TPO: variants seen among roughly 807,000 people sequenced by gnomAD.
TPO encodes the protein thyroid peroxidase.
TPO carries 78 observed loss-of-function variants against 96.9 expected under a neutral mutation model. The ratio of observed to expected loss-of-function variants is 0.81; its 90% CI spans 0.67 to 0.97. The LOEUF (loss-of-function observed/expected upper bound fraction) is 0.97, where lower values mean the gene tolerates loss of function less well. TPO is among the 50% of genes least tolerant of loss of function. The pLI is 0.00. For synonymous variants in TPO, 547 were observed against 538.0 expected (o/e 1.02, Z -0.23); for missense variants, 1,252 against 1,274.8 (o/e 0.98, Z 0.27).
intron 8 of TPO, chr2:1,478,404 G>T: frequency 1.0e-6 from 1 of 984,736 alleles, no homozygotes; most frequent in South Asian, 4.7e-5. Flanking sequence ...GAGCCTGCAG[G>T]GAGGTGCGCG....
intron 3 of TPO, among the ~76,000 whole-genome samples, chr2:1,432,969 G>C (rs146056488): frequency 6.6e-6 from 1 of 152,300 alleles, no homozygotes; most frequent in Non-Finnish European, 1.5e-5. Flanking sequence ...GGGCTGCATT[G>C]AGCCAATGCT....
chr2:1,511,077 ATATAAT>A (rs1674057124), intron 14 of TPO, among the ~76,000 whole-genome samples: 1 of 152,218 alleles, frequency 6.6e-6, no homozygotes, highest in Non-Finnish European at 1.5e-5. Flanking sequence ...TCAGGCGCTG[ATATAAT>A]TATAGAGGGA....
chr2:1,460,119 A>C (rs1668281163), intron 7 of TPO, among the ~76,000 whole-genome samples: 1 of 152,056 alleles, frequency 6.6e-6, no homozygotes, highest in South Asian at 2.1e-4. Flanking sequence ...TATTTTTAAT[A>C]GAGATGGGGT....
chr2:1,538,286 C>T (rs528096762), intron 15 of TPO, among the ~76,000 whole-genome samples: 79 of 152,226 alleles, frequency 5.2e-4, no homozygotes, highest in Non-Finnish European at 9.4e-4. Context: ...GGTGGTGCTC[C>T]GACCTGATAC....
chr2:1,400,271 T>G (rs1468512279), intron 1 of TPO, among the ~76,000 whole-genome samples: 1 of 152,142 alleles, frequency 6.6e-6, no homozygotes, highest in African/African-American at 2.4e-5. Flanking sequence ...AGCAGGTGGA[T>G]CACTTGAGGT....
chr2:1,486,433 G>A (rs1671171660), intron 9 of TPO, among the ~76,000 whole-genome samples: 1 of 152,060 alleles, frequency 6.6e-6, no homozygotes, highest in African/African-American at 2.4e-5. Context: ...CTACTCAGGA[G>A]GCTGTGGCAG....
At chr2:1,401,330 A>G (rs1417170474) in intron 1 of TPO, among the ~76,000 whole-genome samples, 2 of 152,220 alleles carry the variant, frequency 1.3e-5, no homozygotes, top group Non-Finnish European at 2.9e-5. Context: ...GACCTCTCAG[A>G]TGGATGGGGA....
At chr2:1,435,678 A>G (rs879527867) in intron 4 of TPO, among the ~76,000 whole-genome samples, 1 of 152,240 alleles carries the variant, frequency 6.6e-6, no homozygotes, top group African/African-American at 2.4e-5. Context: ...TCCAAAAAAA[A>G]GAAAAACAGG....
At chr2:1,401,404 G>T (rs1234421641) in intron 1 of TPO, among the ~76,000 whole-genome samples, 2 of 152,118 alleles carry the variant, frequency 1.3e-5, no homozygotes, top group Non-Finnish European at 1.5e-5. Context: ...GGGAGTTGGT[G>T]GTTTCTGATT....
chr2:1,527,231 T>TCC (rs1251329112), intron 15 of TPO, among the ~76,000 whole-genome samples: 1 of 46,010 alleles, frequency 2.2e-5, no homozygotes, highest in Non-Finnish European at 3.8e-5. Context: ...CCTACTCAAA[T>TCC]CCCCCCACTG....
At chr2:1,411,100 T>C (rs985953171), upstream of TPO, among the ~76,000 whole-genome samples, 1 of 152,168 alleles carries the variant, frequency 6.6e-6, no homozygotes, top group African/African-American at 2.4e-5. Flanking sequence ...AAAATGTGTG[T>C]GCTATCCAGT....
intron 8 of TPO, among the ~76,000 whole-genome samples, 192 bp from the exon 9 acceptor site, chr2:1,484,404 G>C (rs770031534): frequency 1.3e-5 from 2 of 152,066 alleles, no homozygotes; most frequent in Admixed American, 6.5e-5. Flanking sequence ...CCCTATAAAC[G>C]CACCTCCTGA....
At chr2:1,498,012 A>AAAAAAAAAAATG (rs1672525116) in intron 13 of TPO, among the ~76,000 whole-genome samples, 1 of 150,788 alleles carries the variant, frequency 6.6e-6, no homozygotes, top group African/African-American at 2.4e-5. Flanking sequence ...AAAAAAAAAA[A>AAAAAAAAAAATG]GTGGCTGGGA....
chr2:1,376,777 C>A (rs1185680069), intron 1 of TPO, among the ~76,000 whole-genome samples: 1 of 152,160 alleles, frequency 6.6e-6, no homozygotes, highest in Non-Finnish European at 1.5e-5. Flanking sequence ...AAGTAATATT[C>A]TTTAACAAAA....
At chr2:1,502,366 G>T (rs1672957927) in intron 13 of TPO, among the ~76,000 whole-genome samples, 1 of 152,114 alleles carries the variant, frequency 6.6e-6, no homozygotes, top group South Asian at 2.1e-4. Context: ...CCAATCCCTT[G>T]AAATTTCTTG....
At chr2:1,521,150 T>C (rs1024855478) in intron 15 of TPO, among the ~76,000 whole-genome samples, 3 of 152,202 alleles carry the variant, frequency 2.0e-5, no homozygotes, top group African/African-American at 7.2e-5. Flanking sequence ...GCATTATAAA[T>C]TCAAGAAAGT....
chr2:1,463,542 T>C (rs1213076675), intron 7 of TPO, among the ~76,000 whole-genome samples: 5 of 152,200 alleles, frequency 3.3e-5, no homozygotes, highest in Non-Finnish European at 5.9e-5. Context: ...GTTTATTCAG[T>C]TTTCCTAAGA....
intron 1 of TPO, among the ~76,000 whole-genome samples, chr2:1,386,714 T>C (rs531822778): frequency 4.9e-4 from 75 of 152,308 alleles, no homozygotes; most frequent in African/African-American, 1.7e-3. Flanking sequence ...CATTTACATT[T>C]AAGGTTAATT....
chr2:1,512,144 C>T (rs946023835), intron 14 of TPO, among the ~76,000 whole-genome samples: 20 of 152,184 alleles, frequency 1.3e-4, no homozygotes, highest in Non-Finnish European at 2.4e-4. Flanking sequence ...CGCCATTCTC[C>T]TGCCTCAGCC....
Sources: allele counts gnomAD v4.1 joint callset (sites outside exome capture counted in the v4.1 genomes callset), GRCh38; gene constraint gnomAD v4.1.1; transcripts MANE v1.5; gene names NCBI Gene and HGNC (gene_info 2026-07-23, HGNC 2026-07-21).